LSAMP: variants seen among roughly 807,000 people sequenced by gnomAD.
LSAMP encodes the protein limbic system associated membrane protein.
A neutral mutation model predicts 38.6 loss-of-function variants in LSAMP; 7 were observed. The ratio of observed to expected loss-of-function variants is 0.18; its 90% CI spans 0.10 to 0.34. LSAMP has a LOEUF of 0.34. Ranked by LOEUF, LSAMP falls within the 10% of genes least tolerant of loss-of-function variation. The pLI is 1.00. For synonymous variants in LSAMP, 154 were observed against 166.8 expected (o/e 0.92, Z 0.59); for missense variants, 313 against 420.0 (o/e 0.75, Z 2.23).
chr3:116,241,552 T>A (rs1488671041), intron 1 of LSAMP, among the ~76,000 whole-genome samples: 1 of 152,020 alleles, frequency 6.6e-6, no homozygotes, highest in Non-Finnish European at 1.5e-5. Flanking sequence ...GGCAACAGAG[T>A]GAGATTCTGT....
At chr3:115,945,663 A>G (rs1290913380) in intron 3 of LSAMP, among the ~76,000 whole-genome samples, 1 of 152,158 alleles carries the variant, frequency 6.6e-6, no homozygotes, top group African/African-American at 2.4e-5. Context: ...CCTAGCATCC[A>G]ACCACTTTTC....
At chr3:116,245,467 G>A (rs2046593248) in intron 1 of LSAMP, among the ~76,000 whole-genome samples, 1 of 152,026 alleles carries the variant, frequency 6.6e-6, no homozygotes, top group East Asian at 1.9e-4. Flanking sequence ...TCTTAGACAG[G>A]AATACAAAAC....
intron 1 of LSAMP, among the ~76,000 whole-genome samples, chr3:116,093,509 C>A (rs78870693): frequency 6.6e-6 from 1 of 152,150 alleles, no homozygotes; most frequent in Non-Finnish European, 1.5e-5. Context: ...GACAAAGGCA[C>A]AGCAATGAGG....
At chr3:115,928,215 T>C (rs537954402) in intron 3 of LSAMP, among the ~76,000 whole-genome samples, 1 of 152,346 alleles carries the variant, frequency 6.6e-6, no homozygotes, top group South Asian at 2.1e-4. Flanking sequence ...CTGGTCTTTT[T>C]ACTTTTTACT....
chr3:115,915,701 C>T (rs1266613400), intron 3 of LSAMP, among the ~76,000 whole-genome samples: 6 of 151,752 alleles, frequency 4.0e-5, no homozygotes, highest in East Asian at 1.9e-4. Context: ...GGCGCAATCT[C>T]GGCTCACTGC....
chr3:115,863,332 A>G (rs1249518665), intron 3 of LSAMP, among the ~76,000 whole-genome samples: 1 of 152,140 alleles, frequency 6.6e-6, no homozygotes, highest in Non-Finnish European at 1.5e-5. Flanking sequence ...CTCACCTCTA[A>G]TTAAAATGGC....
Position 116,410,851 on chromosome 3 carries a change from G to T in LSAMP, c.155+34026C>A, listed in dbSNP as rs188746261. On this transcript the variant is annotated intron_variant, in intron 1 of 6. Coordinates refer to ENST00000490035, the MANE Select transcript of LSAMP (RefSeq NM_002338.5). ...CATAAGCAGAAAATGTTACATAATG[G>T]CTTTTTCACTTTTTCATAGGGTCTT... Among the ~76,000 whole-genome samples, 150 of 152,172 alleles carry T rather than the reference G, an allele frequency of 9.9e-4. 1 individual carries two copies. Among genetic ancestry groups the T allele is most frequent in the Admixed American group, 2.6e-3 (39 of 15,276 alleles).
At chr3:115,920,156 A>C (rs895168433) in intron 3 of LSAMP, among the ~76,000 whole-genome samples, 2 of 152,184 alleles carry the variant, frequency 1.3e-5, no homozygotes, top group Admixed American at 1.3e-4. Context: ...GGCAGTAGAG[A>C]TATCTCTTAA....
intron 6 of LSAMP, among the ~76,000 whole-genome samples, chr3:115,831,360 C>T (rs1934604302): frequency 1.3e-5 from 2 of 152,122 alleles, no homozygotes; most frequent in South Asian, 4.1e-4. Flanking sequence ...TCCAGAGAGC[C>T]CCACGCTCAA....
chr3:116,108,691 G>A (rs1030725579), intron 1 of LSAMP, among the ~76,000 whole-genome samples: 1 of 152,178 alleles, frequency 6.6e-6, no homozygotes, highest in African/African-American at 2.4e-5. Flanking sequence ...ATTTCTAGTG[G>A]GGTCCCGCAG....
At chr3:116,022,141 A>T (rs1940656456) in intron 2 of LSAMP, among the ~76,000 whole-genome samples, 6 of 151,850 alleles carry the variant, frequency 4.0e-5, no homozygotes, top group African/African-American at 1.2e-4. Flanking sequence ...TTGTTTTCCT[A>T]CTTTATTTTG....
intron 2 of LSAMP, among the ~76,000 whole-genome samples, chr3:116,073,256 T>C (rs1418130539): frequency 2.6e-5 from 4 of 152,188 alleles, no homozygotes; most frequent in Admixed American, 2.6e-4. Flanking sequence ...TTCTGTTCCA[T>C]TGGTCTATGT....
At chr3:115,951,166 A>G (rs1470429243) in intron 3 of LSAMP, among the ~76,000 whole-genome samples, 1 of 152,216 alleles carries the variant, frequency 6.6e-6, no homozygotes, top group Admixed American at 6.5e-5. Context: ...AATCCATAAA[A>G]TCTCCAGAAG....
intron 1 of LSAMP, among the ~76,000 whole-genome samples, chr3:116,328,624 TAG>T (rs1217998943): frequency 6.6e-6 from 1 of 152,108 alleles, no homozygotes; most frequent in Non-Finnish European, 1.5e-5. Context: ...TGAAAGTGGT[TAG>T]ACGCTAATGA....
chr3:116,141,141 A>C (rs1709359891), intron 1 of LSAMP, among the ~76,000 whole-genome samples: 1 of 152,074 alleles, frequency 6.6e-6, no homozygotes, highest in South Asian at 2.1e-4. Context: ...CCAAGGGACT[A>C]AATTTTATTT....
At chr3:116,028,225 C>T (rs1027230269) in intron 2 of LSAMP, among the ~76,000 whole-genome samples, 39 of 152,260 alleles carry the variant, frequency 2.6e-4, no homozygotes, top group Admixed American at 1.1e-3. Context: ...CACATAAATG[C>T]CATCTAGTGA....
intron 1 of LSAMP, among the ~76,000 whole-genome samples, chr3:116,194,558 C>A (rs558499871): frequency 1.3e-5 from 2 of 152,278 alleles, no homozygotes; most frequent in South Asian, 2.1e-4. Context: ...CCACGCCCAG[C>A]TAATTTTTTC....
Position 116,296,465 on chromosome 3 carries a change from A to G in LSAMP, c.155+148412T>C, listed in dbSNP as rs1374615068. ...GGGAGGCCGAGGCAGGCGGATCACCAGGTCAGGAGACAGAGACCACCCTGG... is the reference window on the plus strand; with the variant it reads ...GGGAGGCCGAGGCAGGCGGATCACCGGGTCAGGAGACAGAGACCACCCTGG... On this transcript the variant is annotated intron_variant, in intron 1 of 6. Transcript: ENST00000490035. 1.8e-4 allele frequency among the ~76,000 whole-genome samples: 27 copies of G among 152,110 alleles called. 1 individual carries two copies. Among genetic ancestry groups the G allele is most frequent in the Admixed American group, 1.7e-3 (26 of 15,274 alleles).
At chr3:116,259,858 T>C (rs1033938822) in intron 1 of LSAMP, among the ~76,000 whole-genome samples, 3 of 152,228 alleles carry the variant, frequency 2.0e-5, no homozygotes, top group Non-Finnish European at 4.4e-5. Flanking sequence ...TCTGCCTTTA[T>C]AACAGCTATC....
Sources: gnomAD v4.1 joint callset for allele counts (sites outside exome capture counted in the v4.1 genomes callset) on GRCh38, gnomAD v4.1.1 for gene constraint, MANE v1.5 for transcripts, NCBI Gene and HGNC (gene_info 2026-07-23, HGNC 2026-07-21) for gene names.